The following MACF1 variants were observed in gnomAD, a reference collection of about 807,000 sequenced individuals.
The protein encoded by MACF1 is microtubule actin crosslinking factor 1.
Under a neutral mutation model 854.8 loss-of-function variants are expected in MACF1, and 193 were observed. The ratio of observed to expected loss-of-function variants is 0.23; its 90% confidence interval spans 0.20 to 0.25. The LOEUF is 0.25. MACF1 is among the 10% of genes least tolerant of loss of function. The probability of loss-of-function intolerance (pLI) is 1.00; values close to 1 mark genes in which losing one functional copy is unlikely to be tolerated. For missense variants in MACF1, 7,722 were observed against 8,929.1 expected (o/e 0.86, Z 5.45); for synonymous variants, 3,185 against 3,226.7 (o/e 0.99, Z 0.44).
intron 55 of MACF1, 117 bp downstream of exon 55, chr1:39,380,490 C>A: frequency 9.5e-7 from 1 of 1,050,804 alleles, no homozygotes; most frequent in Non-Finnish European, 1.3e-6. Flanking sequence ...TATAAATAAG[C>A]AATTAGGATC....
intron 2 of MACF1, chr1:39,103,789 A>T (rs1052164854): frequency 6.6e-6 from 1 of 152,198 alleles, no homozygotes; most frequent in South Asian, 2.1e-4. Context: ...CTTCATGCCC[A>T]CAACTTGGGC....
chr1:39,293,651 C>G (rs761521060), intron 18 of MACF1, 32 bp downstream of exon 18: 6 of 1,589,088 alleles, frequency 3.8e-6, no homozygotes, highest in South Asian at 3.4e-5. Context: ...GCCTGTCATA[C>G]TTATTTAACA....
At chr1:39,161,731 G>T (rs1272756532) in intron 2 of MACF1, among the ~76,000 whole-genome samples, 1 of 152,010 alleles carries the variant, frequency 6.6e-6, no homozygotes, top group Non-Finnish European at 1.5e-5. Context: ...GCCAGGCGTG[G>T]TGGCGGGCGC....
intron 2 of MACF1, among the ~76,000 whole-genome samples, chr1:39,148,668 A>G (rs576221839): frequency 2.6e-5 from 4 of 152,272 alleles, no homozygotes; most frequent in African/African-American, 9.6e-5. Context: ...TCTTGTATGG[A>G]TGCATTGCAC....
chr1:39,330,942 C>T (rs577942111), intron 36 of MACF1, among the ~76,000 whole-genome samples: 35 of 152,072 alleles, frequency 2.3e-4, no homozygotes, highest in Non-Finnish European at 4.1e-4. Context: ...GCTGGGATTA[C>T]AGGTGCGCAC....
chr1:39,100,904 A>ACGCG (rs1557452471), intron 2 of MACF1, among the ~76,000 whole-genome samples: 1 of 140,758 alleles, frequency 7.1e-6, no homozygotes, highest in African/African-American at 2.5e-5. Context: ...AAATATACAA[A>ACGCG]TGCACGCGCG....
chr1:39,293,797 C>G (rs1251574631), intron 18 of MACF1, among the ~76,000 whole-genome samples, 178 bp downstream of exon 18: 1 of 151,738 alleles, frequency 6.6e-6, no homozygotes, highest in Non-Finnish European at 1.5e-5. Flanking sequence ...ACAGTAGAAC[C>G]CTAGAGTTAA....
At chr1:39,240,355 G>A (rs556230970) in intron 2 of MACF1, among the ~76,000 whole-genome samples, 4 of 152,122 alleles carry the variant, frequency 2.6e-5, no homozygotes, top group Non-Finnish European at 5.9e-5. Context: ...GGCTGTCTTT[G>A]CCTGGACCTG....
intron 23 of MACF1, among the ~76,000 whole-genome samples, chr1:39,307,252 T>C (rs1171115928): frequency 7.0e-6 from 1 of 143,162 alleles, no homozygotes; most frequent in Non-Finnish European, 1.5e-5. Context: ...TTTAGATGTA[T>C]AGTGCCATTT....
At chr1:39,294,136 A>G (rs1645852384) in intron 18 of MACF1, among the ~76,000 whole-genome samples, 3 of 152,232 alleles carry the variant, frequency 2.0e-5, no homozygotes, top group South Asian at 2.1e-4. Flanking sequence ...CAACTGGGAT[A>G]TACTCTGGAC....
intron 98 of MACF1, chr1:39,480,216 C>G: frequency 2.3e-6 from 1 of 433,566 alleles, no homozygotes; most frequent in Non-Finnish European, 4.3e-6. Flanking sequence ...TAAGATGACT[C>G]CAAAGGACAT....
intron 3 of MACF1, among the ~76,000 whole-genome samples, 159 bp from the exon 4 acceptor site, chr1:39,251,687 C>T (rs1263316834): frequency 6.6e-6 from 1 of 152,174 alleles, no homozygotes; most frequent in Admixed American, 6.5e-5. Flanking sequence ...TAACCATCTG[C>T]TCTGGTTTTG....
intron 17 of MACF1, 116 bp from the exon 18 acceptor site, chr1:39,293,342 C>T: frequency 2.0e-6 from 2 of 981,420 alleles, no homozygotes; most frequent in Non-Finnish European, 1.5e-6. Flanking sequence ...GGGGAAAAAT[C>T]CAGAGATTAA....
At position 39,332,528 on chromosome 1, in the gene MACF1, G is replaced by C; in HGVS notation, c.5940G>C (p.Arg1980Ser). 1 of 1,614,074 alleles carries C rather than the reference G, an allele frequency of 6.2e-7. No homozygotes were observed. The highest frequency in any genetic ancestry group is 1.1e-5 in the South Asian group (1 of 91,090). Reference sequence around the variant, plus strand: ...ATATTAATGTGCAAAATGGACAGAGGCTGCTTCTGTTAGATAAAGAGCTGA... The same window carrying C: ...ATATTAATGTGCAAAATGGACAGAGCCTGCTTCTGTTAGATAAAGAGCTGA... ...HSYINVQNGQRLLLLDKELME... is the reference protein window; with the variant it reads ...HSYINVQNGQSLLLLDKELME... Residue 1980 changes from arginine to serine, a missense_variant, in exon 37 of 101, where the codon AGG becomes AGC. By Grantham distance (110) the Arg-to-Ser change is moderately radical. This residue lies in a region of MACF1 where 1,531 missense variants were observed against 1,601.6 expected (regional missense o/e 0.96). Transcript: ENST00000564288.
chr1:39,391,043 G>A (rs1642013788), intron 58 of MACF1, among the ~76,000 whole-genome samples: 1 of 151,880 alleles, frequency 6.6e-6, no homozygotes, highest in Non-Finnish European at 1.5e-5. Context: ...CCCAGGAGGT[G>A]GAGCTTGCAG....
chr1:39,411,532 AC>A (rs1643006635), intron 58 of MACF1: 4 of 1,613,452 alleles, frequency 2.5e-6, no homozygotes. Context: ...TTGTGTTCTT[AC>A]AGGTGAGGAT....
At chr1:39,194,367 T>G (rs1466763871) in intron 2 of MACF1, among the ~76,000 whole-genome samples, 1 of 135,448 alleles carries the variant, frequency 7.4e-6, no homozygotes, top group East Asian at 2.1e-4. Flanking sequence ...TTTTTTTTTT[T>G]TTTTGTGATA....
intron 79 of MACF1, 113 bp from the exon 80 acceptor site, chr1:39,444,549 T>G: frequency 1.2e-6 from 1 of 823,508 alleles, no homozygotes. Flanking sequence ...AAAGAATGGC[T>G]TGTAATCAAG....
chr1:39,428,046 C>T lies in MACF1; in HGVS notation c.16562C>T (p.Pro5521Leu). 1 of 1,614,232 alleles carries T rather than the reference C, an allele frequency of 6.2e-7. No homozygotes were observed. Among genetic ancestry groups the T allele is most frequent in the Non-Finnish European group, 8.5e-7 (1 of 1,180,030 alleles). ...CAGTCCCTCTCCTCCCTGACATCTCCTGCAGAACAGGGTGTGCTGTCAGAA... is the reference window on the plus strand; with the variant it reads ...CAGTCCCTCTCCTCCCTGACATCTCTTGCAGAACAGGGTGTGCTGTCAGAA... ...IGQSLSSLTS[P>L]AEQGVLSEKI... Residue 5521 changes from proline (P) to leucine (L), a missense_variant, in exon 63 of 101, where the codon CCT becomes CTT. Pro to Leu is a moderately conservative substitution (Grantham distance 98). Coordinates refer to ENST00000564288, the MANE Select transcript of MACF1 (RefSeq NM_001394062.1).
Sources: allele counts gnomAD v4.1 joint callset (sites outside exome capture counted in the v4.1 genomes callset), GRCh38; gene constraint gnomAD v4.1.1; regional missense constraint gnomAD v4.1.1; transcripts MANE v1.5; gene names NCBI Gene and HGNC (gene_info 2026-07-23, HGNC 2026-07-21).